Variants in TASP1 observed in about 807,000 individuals in gnomAD.
The protein encoded by TASP1 is taspase 1.
Under a neutral mutation model 56.6 loss-of-function variants are expected in TASP1, and 16 were observed. That is an observed-to-expected ratio of 0.28 (90% CI 0.19 to 0.43). The LOEUF (loss-of-function observed/expected upper bound fraction) is 0.43. TASP1 is among the 20% of genes least tolerant of loss of function. TASP1 has a pLI of 1.00. For missense variants in TASP1, 393 were observed against 511.6 expected, an observed-to-expected ratio of 0.77 and a Z score of 2.24; for synonymous variants, 179 against 184.2, an observed-to-expected ratio of 0.97 and a Z score of 0.23.
At chr20:13,232,443 A>T in the TASP1 span, among the ~76,000 whole-genome samples, 580 of 152,328 alleles carry the variant, frequency 3.8e-3, 4 homozygotes, top group Middle Eastern at 0.017. Context: ...TCATGTTGAG[A>T]TTCATTCATG....
the TASP1 span, chr20:13,221,919 G>A: frequency 7.5e-7 from 1 of 1,338,700 alleles, no homozygotes; most frequent in South Asian, 1.9e-5. Flanking sequence ...CTGCAGGTGA[G>A]TGCGCCGCCG....
intron 11 of TASP1, among the ~76,000 whole-genome samples, chr20:13,439,334 G>T (rs1047973198): frequency 6.6e-6 from 1 of 152,096 alleles, no homozygotes; most frequent in Non-Finnish European, 1.5e-5. Flanking sequence ...CCATAAAAAA[G>T]GATGAGTTCA....
chr20:13,631,368 G>T (rs529094956), intron 1 of TASP1, among the ~76,000 whole-genome samples: 1 of 152,110 alleles, frequency 6.6e-6, no homozygotes, highest in Admixed American at 6.5e-5. Flanking sequence ...TTTTGTGGTG[G>T]TGTGTTTTGT....
chr20:13,298,300 T>G, the TASP1 span, among the ~76,000 whole-genome samples: 1 of 152,082 alleles, frequency 6.6e-6, no homozygotes, highest in Non-Finnish European at 1.5e-5. Context: ...AGAGACGGGG[T>G]TTCACCTTGT....
At chr20:13,597,145 C>T (rs956622072) in intron 4 of TASP1, among the ~76,000 whole-genome samples, 3 of 152,152 alleles carry the variant, frequency 2.0e-5, no homozygotes, top group Admixed American at 2.0e-4. Flanking sequence ...CTATTCCAAT[C>T]AATAGAAAAA....
the TASP1 span, among the ~76,000 whole-genome samples, chr20:13,216,521 A>G: frequency 6.6e-6 from 1 of 152,166 alleles, no homozygotes; most frequent in East Asian, 1.9e-4. Context: ...CTGCAACACC[A>G]GAGTTGATTA....
chr20:13,569,634 T>C (rs2046648241), intron 6 of TASP1, 48 bp from the exon 7 acceptor site: 2 of 1,488,044 alleles, frequency 1.3e-6, no homozygotes, highest in Admixed American at 1.7e-5. Context: ...CATCTTCTCC[T>C]ACATATTCAA....
intron 8 of TASP1, among the ~76,000 whole-genome samples, chr20:13,551,537 C>G (rs2045982605): frequency 6.6e-6 from 1 of 152,174 alleles, no homozygotes; most frequent in Admixed American, 6.6e-5. Context: ...TTTTAATACT[C>G]TAAGAGTCCC....
chr20:13,421,953 C>CTTTTTTTTTTTTTTTTT, intron 12 of TASP1, among the ~76,000 whole-genome samples: 1 of 139,042 alleles, frequency 7.2e-6, no homozygotes, highest in African/African-American at 2.7e-5. Context: ...TCTGTTTAAC[C>CTTTTTTTTTTTTTTTTT]TTTTTTTTTT....
At chr20:13,634,375 G>C (rs2049209916) in intron 1 of TASP1, among the ~76,000 whole-genome samples, 1 of 152,210 alleles carries the variant, frequency 6.6e-6, no homozygotes, top group Non-Finnish European at 1.5e-5. Context: ...GAGCTGGAGG[G>C]ATGGAAGGTA....
the TASP1 span, among the ~76,000 whole-genome samples, chr20:13,204,263 G>A: frequency 6.6e-5 from 10 of 152,196 alleles, no homozygotes; most frequent in African/African-American, 2.4e-4. Context: ...CAATGACAGA[G>A]ACTCCTCAGA....
chr20:13,501,616 A>G (rs1410866340), intron 10 of TASP1, among the ~76,000 whole-genome samples: 1 of 151,958 alleles, frequency 6.6e-6, no homozygotes, highest in African/African-American at 2.4e-5. Context: ...CAATAAAACG[A>G]AAGAATAGAA....
intron 10 of TASP1, among the ~76,000 whole-genome samples, chr20:13,506,032 G>C (rs886538900): frequency 3.3e-5 from 5 of 151,732 alleles, no homozygotes; most frequent in African/African-American, 7.3e-5. Context: ...AAAGAAAAAA[G>C]ACTAAAATAA....
At chr20:13,620,733 T>C (rs2048685475) in intron 4 of TASP1, among the ~76,000 whole-genome samples, 1 of 152,364 alleles carries the variant, frequency 6.6e-6, no homozygotes, top group Non-Finnish European at 1.5e-5. Flanking sequence ...AAATTAAATA[T>C]AACACATTGT....
chr20:13,346,839 T>A, the TASP1 span, among the ~76,000 whole-genome samples: 2 of 152,234 alleles, frequency 1.3e-5, no homozygotes, highest in African/African-American at 4.8e-5. Flanking sequence ...GGAGGGCATT[T>A]CAATACACCA....
chr20:13,623,358 T>C (rs1250574148), intron 4 of TASP1, 88 bp downstream of exon 4: 6 of 1,090,188 alleles, frequency 5.5e-6, no homozygotes, highest in African/African-American at 3.1e-5. Flanking sequence ...ATATAATTTA[T>C]GGTTGACTAA....
the TASP1 span, among the ~76,000 whole-genome samples, chr20:13,258,278 C>T: frequency 6.6e-4 from 100 of 152,180 alleles, no homozygotes; most frequent in African/African-American, 2.1e-3. Context: ...AGGAAATGAA[C>T]GCCCACCTTA....
chr20:13,568,364 T>C (rs2046605848), intron 7 of TASP1, among the ~76,000 whole-genome samples: 1 of 152,188 alleles, frequency 6.6e-6, no homozygotes, highest in Admixed American at 6.6e-5. Context: ...TCCTCACTTT[T>C]TCATTTGATT....
chr20:13,455,707 C>G (rs867364477), intron 11 of TASP1, among the ~76,000 whole-genome samples: 1 of 152,048 alleles, frequency 6.6e-6, no homozygotes, highest in Non-Finnish European at 1.5e-5. Context: ...TTGTTCATGC[C>G]CTGATTACAG....
Sources: allele counts gnomAD v4.1 joint callset (sites outside exome capture counted in the v4.1 genomes callset), GRCh38; gene constraint gnomAD v4.1.1; transcripts MANE v1.5; gene names NCBI Gene and HGNC (gene_info 2026-07-23, HGNC 2026-07-21).